ALPK1: variants seen among roughly 807,000 people sequenced by gnomAD.
ALPK1 encodes the protein alpha kinase 1, also known as alpha-protein kinase 1.
In ALPK1, 110 loss-of-function variants were observed where a neutral mutation model predicts 120.6. The observed-to-expected ratio is 0.91, with a 90% CI of 0.78 to 1.07. The LOEUF is 1.07. Ranked by LOEUF, ALPK1 falls within the 50% of genes least tolerant of loss-of-function variation. The probability of loss-of-function intolerance (pLI) is 0.00; values close to 1 mark genes in which losing one functional copy is unlikely to be tolerated. For missense variants in ALPK1, 1,498 were observed against 1,483.9 expected (o/e 1.01, Z -0.16); for synonymous variants, 582 against 560.3 (o/e 1.04, Z -0.55).
chr4:112,420,219 A>T (rs1733929601), intron 5 of ALPK1, among the ~76,000 whole-genome samples: 1 of 152,274 alleles, frequency 6.6e-6, no homozygotes, highest in African/African-American at 2.4e-5. Context: ...AAAATATACA[A>T]TGTGTCTTAT....
chr4:112,348,476 G>T, intron 2 of ALPK1, among the ~76,000 whole-genome samples: 1 of 152,242 alleles, frequency 6.6e-6, no homozygotes, highest in South Asian at 2.1e-4. Context: ...TTCTCCTTAA[G>T]ATCAGGCAGG....
rs1170374714 is a variant in ALPK1, at chr4:112,431,533, AAAT to A, written c.1987_1989del (p.Asn663del). 16 of 1,614,072 alleles carry A rather than the reference AAAT, an allele frequency of 9.9e-6. No homozygotes were observed. Among genetic ancestry groups the A allele is most frequent in the Non-Finnish European group, 1.4e-5 (16 of 1,180,044 alleles). ...ACAATGACAATTTGGAGCCTTCTCA[AAAT>A]CAGCCACAGCAACAGATGCCCTTGA... On this transcript the variant is annotated inframe_deletion, in exon 11 of 16. Coordinates refer to ENST00000650871, the MANE Select transcript of ALPK1 (RefSeq NM_025144.4).
At chr4:112,387,124 A>G (rs528979601) in intron 4 of ALPK1, among the ~76,000 whole-genome samples, 3 of 152,346 alleles carry the variant, frequency 2.0e-5, no homozygotes, top group South Asian at 2.1e-4. Context: ...AGTGCTAGCT[A>G]GGAAAACCCA....
chr4:112,379,088 G>T (rs1220587643), intron 3 of ALPK1, among the ~76,000 whole-genome samples: 1 of 152,190 alleles, frequency 6.6e-6, no homozygotes, highest in African/African-American at 2.4e-5. Context: ...GCGGTGTGTT[G>T]TGTTCTGTTG....
At chr4:112,310,914 C>T (rs1257178562) in intron 1 of ALPK1, among the ~76,000 whole-genome samples, 7 of 151,504 alleles carry the variant, frequency 4.6e-5, no homozygotes, top group East Asian at 1.9e-4. Context: ...TTTGGGAGAG[C>T]GGAAGTAGCA....
At chr4:112,434,579 A>G (rs1248077045) in intron 11 of ALPK1, among the ~76,000 whole-genome samples, 2 of 152,162 alleles carry the variant, frequency 1.3e-5, no homozygotes, top group Non-Finnish European at 2.9e-5. Flanking sequence ...GACTGCCCCT[A>G]CTTTTTCCTC....
intron 2 of ALPK1, among the ~76,000 whole-genome samples, chr4:112,341,860 T>C (rs1324928320): frequency 6.6e-6 from 1 of 152,238 alleles, no homozygotes; most frequent in Admixed American, 6.5e-5. Context: ...TACAGCATAA[T>C]AAGTCATAGC....
chr4:112,356,436 T>C, intron 2 of ALPK1: 3 of 928,744 alleles, frequency 3.2e-6, no homozygotes, highest in Non-Finnish European at 5.4e-6. Context: ...CTTAGCTTGC[T>C]ACACGGACAT....
intron 12 of ALPK1, among the ~76,000 whole-genome samples, chr4:112,437,159 TAGAC>T (rs1402050669): frequency 6.6e-6 from 1 of 151,956 alleles, no homozygotes; most frequent in Admixed American, 6.6e-5. Context: ...TCAAAGAAAA[TAGAC>T]AGATTACGTA....
At chr4:112,403,052 G>A (rs1323723782) in intron 4 of ALPK1, among the ~76,000 whole-genome samples, 3 of 151,938 alleles carry the variant, frequency 2.0e-5, no homozygotes, top group South Asian at 2.1e-4. Flanking sequence ...TTTTTTAGGG[G>A]GTGGGGGAGG....
chr4:112,388,943 A>G (rs1732275544), intron 4 of ALPK1, among the ~76,000 whole-genome samples: 1 of 152,172 alleles, frequency 6.6e-6, no homozygotes, highest in Non-Finnish European at 1.5e-5. Context: ...AAGAAAATTA[A>G]TGCTCAGAGA....
intron 4 of ALPK1, among the ~76,000 whole-genome samples, chr4:112,406,394 A>G (rs1170241286): frequency 6.6e-6 from 1 of 152,252 alleles, no homozygotes; most frequent in Non-Finnish European, 1.5e-5. Flanking sequence ...GTATGATTCC[A>G]CTAATACGAG....
At chr4:112,311,364 A>G (rs1354238646) in intron 1 of ALPK1, among the ~76,000 whole-genome samples, 1 of 152,210 alleles carries the variant, frequency 6.6e-6, no homozygotes, top group Non-Finnish European at 1.5e-5. Context: ...CAATGCTTAT[A>G]TATATTATCT....
rs762558355 is a variant in ALPK1, at chr4:112,441,018, A to AT, written c.3646dup (p.Tyr1216LeufsTer4). 1.2e-6 allele frequency: 2 copies of AT among 1,613,968 alleles called. No individual in the cohort carries two copies. Among genetic ancestry groups the AT allele is most frequent in the South Asian group, 1.1e-5 (1 of 91,078 alleles). Reference sequence around the variant, plus strand: ...CACTACCAATTTTGGAAAGAGAGGAATTTTTTACTTCTTTAATAACCAGCA... The same window carrying AT: ...CACTACCAATTTTGGAAAGAGAGGAATTTTTTTACTTCTTTAATAACCAGCA... On this transcript the variant is annotated frameshift_variant, in exon 15 of 16. Coordinates refer to ENST00000650871, the MANE Select transcript of ALPK1 (RefSeq NM_025144.4). LOFTEE classifies it high-confidence loss of function.
In ALPK1 at chr4:112,304,838, G is replaced by C. The variant is rs552217204; in HGVS notation, c.-153+7369G>C. Among the ~76,000 whole-genome samples the C allele has an allele frequency of 5.0e-3, 766 of 152,162 alleles. 3 individuals are homozygous for C. Among genetic ancestry groups the C allele is most frequent in the Middle Eastern group, 0.014 (4 of 294 alleles). On this transcript the variant is annotated intron_variant, in intron 1 of 15. Transcript: ENST00000650871. ...AAGTCCTTGCCCATGCCTATGTCCT[G>C]AATGGTAATGCCTAGGTTTTCTTCT...
At chr4:112,370,867 A>G (rs1731376326) in intron 2 of ALPK1, among the ~76,000 whole-genome samples, 1 of 152,220 alleles carries the variant, frequency 6.6e-6, no homozygotes. Flanking sequence ...CTTTTTAGAA[A>G]TGTTGTCTTG....
At chr4:112,356,655 A>G (rs1289712726) in intron 2 of ALPK1, 15 of 843,674 alleles carry the variant, frequency 1.8e-5, no homozygotes, top group Non-Finnish European at 3.0e-5. Flanking sequence ...CATTTCTACA[A>G]CAATGTAGAA....
intron 2 of ALPK1, among the ~76,000 whole-genome samples, chr4:112,317,679 T>A (rs949538425): frequency 5.3e-5 from 8 of 152,122 alleles, no homozygotes; most frequent in African/African-American, 1.4e-4. Context: ...TTTTTCAAAA[T>A]TTTTTTAGCT....
intron 2 of ALPK1, among the ~76,000 whole-genome samples, chr4:112,333,085 G>T (rs1729457409): frequency 6.6e-6 from 1 of 152,128 alleles, no homozygotes. Context: ...ATTTGCTAGG[G>T]TTAGGATTTT....
Sources: allele counts gnomAD v4.1 joint callset (sites outside exome capture counted in the v4.1 genomes callset), GRCh38; gene constraint gnomAD v4.1.1; transcripts MANE v1.5; gene names NCBI Gene and HGNC (gene_info 2026-07-23, HGNC 2026-07-21).